The following DPP6 variants were observed in gnomAD, a reference collection of about 807,000 sequenced individuals.
The protein encoded by DPP6 is A-type potassium channel modulatory protein DPP6.
DPP6 carries 69 observed loss-of-function variants against 122.6 expected under a neutral mutation model. That is an observed-to-expected ratio of 0.56 (90% CI 0.46 to 0.69). DPP6 has a LOEUF of 0.69. Among genes scored for constraint, DPP6 ranks in the 30% least tolerant of loss-of-function variants. DPP6 has a pLI of 0.00. For missense variants in DPP6, 928 were observed against 1,116.9 expected (o/e 0.83, Z 2.41); for synonymous variants, 418 against 433.1 (o/e 0.97, Z 0.43).
At chr7:154,195,180 T>C (rs867953246) in intron 1 of DPP6, among the ~76,000 whole-genome samples, 1 of 152,204 alleles carries the variant, frequency 6.6e-6, no homozygotes, top group Non-Finnish European at 1.5e-5. Context: ...GAAGTTCATT[T>C]TTTCTGCATA....
chr7:154,372,314 T>C (rs1385732866), intron 1 of DPP6, among the ~76,000 whole-genome samples: 1 of 152,140 alleles, frequency 6.6e-6, no homozygotes, highest in Non-Finnish European at 1.5e-5. Context: ...GGATGCCTTA[T>C]TAGGAATGAG....
At chr7:154,383,945 C>T (rs1260403945) in intron 1 of DPP6, among the ~76,000 whole-genome samples, 1 of 150,954 alleles carries the variant, frequency 6.6e-6, no homozygotes, top group Non-Finnish European at 1.5e-5. Flanking sequence ...CCCATCTCTT[C>T]GATTCATGAA....
intron 16 of DPP6, among the ~76,000 whole-genome samples, chr7:154,819,000 A>C (rs1799594722): frequency 6.6e-6 from 1 of 152,220 alleles, no homozygotes; most frequent in African/African-American, 2.4e-5. Flanking sequence ...GAAGCTTCTC[A>C]CTTTGCCACT....
At chr7:154,376,786 C>T (rs945215937) in intron 1 of DPP6, among the ~76,000 whole-genome samples, 1 of 152,136 alleles carries the variant, frequency 6.6e-6, no homozygotes, top group Non-Finnish European at 1.5e-5. Flanking sequence ...GAACTTCTGC[C>T]CATACAATAG....
chr7:154,699,867 T>G (rs1291855982), intron 7 of DPP6, among the ~76,000 whole-genome samples: 1 of 152,182 alleles, frequency 6.6e-6, no homozygotes. Flanking sequence ...GCACCTTCCT[T>G]TCCTAGGTGT....
chr7:154,622,398 C>T (rs1391505221), intron 5 of DPP6, among the ~76,000 whole-genome samples: 2 of 152,182 alleles, frequency 1.3e-5, no homozygotes, highest in South Asian at 4.1e-4. Context: ...TCCTGTTTAC[C>T]TGTAGCCTCT....
chr7:154,418,047 C>T (rs1203693430), intron 1 of DPP6, among the ~76,000 whole-genome samples: 1 of 152,212 alleles, frequency 6.6e-6, no homozygotes, highest in Admixed American at 6.5e-5. Flanking sequence ...GGAAATGTAT[C>T]CTTTAGTAGA....
At chr7:154,160,722 C>T (rs536419066) in intron 1 of DPP6, among the ~76,000 whole-genome samples, 10 of 152,176 alleles carry the variant, frequency 6.6e-5, no homozygotes, top group South Asian at 6.2e-4. Flanking sequence ...TATGTACATT[C>T]GGCTCACTTC....
chr7:154,163,804 C>T (rs3111937), intron 1 of DPP6, among the ~76,000 whole-genome samples: 442 of 134,044 alleles, frequency 3.3e-3, no homozygotes, highest in South Asian at 3.9e-3. Flanking sequence ...GGGTGGGAAG[C>T]ACCTGGGCCA....
chr7:153,904,288 G>A (rs1392429539), intron 1 of DPP6, among the ~76,000 whole-genome samples: 2 of 152,196 alleles, frequency 1.3e-5, no homozygotes, highest in Admixed American at 6.5e-5. Flanking sequence ...CTGAGCTCAA[G>A]TGATATGCCC....
In DPP6 at chr7:154,755,287, T is replaced by C. The variant is rs73498075; in HGVS notation, c.884-14130T>C. Among the ~76,000 whole-genome samples, 3 of 152,084 alleles carry C rather than the reference T, an allele frequency of 2.0e-5. No homozygotes were observed. The highest frequency in any genetic ancestry group is 7.2e-5 in the African/African-American group (3 of 41,464). ...ATAGACAGTGTCACTTGATAGGATG[T>C]TTTGAGACCCGGACATCCCCAGCAG... On this transcript the variant is annotated intron_variant, in intron 8 of 25. Coordinates refer to ENST00000377770, the MANE Select transcript of DPP6 (RefSeq NM_130797.4). This position sits in a 1 kb window ranked among gnomAD's most constrained non-coding sequence, Gnocchi z 4.7.
chr7:154,089,992 G>A (rs2533642), intron 1 of DPP6, among the ~76,000 whole-genome samples: 1 of 152,338 alleles, frequency 6.6e-6, no homozygotes, highest in East Asian at 1.9e-4. Context: ...AGACCAGACT[G>A]TTTTGTTGTA....
At chr7:154,451,471 C>T (rs1390160846) in intron 2 of DPP6, among the ~76,000 whole-genome samples, 1 of 152,164 alleles carries the variant, frequency 6.6e-6, no homozygotes, top group Non-Finnish European at 1.5e-5. Flanking sequence ...CCCTGTCCTC[C>T]AAGCTCAACT....
chr7:154,782,587 G>C (rs1286564773), intron 10 of DPP6, among the ~76,000 whole-genome samples: 1 of 151,988 alleles, frequency 6.6e-6, no homozygotes, highest in African/African-American at 2.4e-5. Context: ...TAGTTAAATA[G>C]CGCTTGGAGT....
intron 2 of DPP6, among the ~76,000 whole-genome samples, chr7:154,452,694 CA>C (rs1285112410): frequency 6.6e-6 from 1 of 152,198 alleles, no homozygotes; most frequent in Non-Finnish European, 1.5e-5. Context: ...GGCCCCTTGC[CA>C]CCCCTGTGAG....
At chr7:153,811,489 C>T in the DPP6 span, among the ~76,000 whole-genome samples, 17 of 152,210 alleles carry the variant, frequency 1.1e-4, no homozygotes, top group East Asian at 1.9e-4. Context: ...AAATTTGAGT[C>T]GTCCACTTCA....
chr7:153,973,219 T>C (rs1413104741), intron 1 of DPP6, among the ~76,000 whole-genome samples: 1 of 152,234 alleles, frequency 6.6e-6, no homozygotes, highest in East Asian at 1.9e-4. Flanking sequence ...GCATTCATTC[T>C]TTATATAAGG....
chr7:153,832,845 T>A, the DPP6 span, among the ~76,000 whole-genome samples: 1 of 152,200 alleles, frequency 6.6e-6, no homozygotes, highest in Non-Finnish European at 1.5e-5. Context: ...TTTGAGTAAT[T>A]TTTATTCTTC....
chr7:154,269,925 C>T (rs1035369406), intron 1 of DPP6, among the ~76,000 whole-genome samples: 6 of 152,140 alleles, frequency 3.9e-5, no homozygotes, highest in Non-Finnish European at 8.8e-5. Flanking sequence ...TATAAAATGA[C>T]TTTCTTCATC....
Sources: gnomAD v4.1 joint callset for allele counts (sites outside exome capture counted in the v4.1 genomes callset) on GRCh38, gnomAD v4.1.1 for gene constraint, Gnocchi (gnomAD v3.1) non-coding constraint, MANE v1.5 for transcripts, NCBI Gene and HGNC (gene_info 2026-07-23, HGNC 2026-07-21) for gene names.